The following PAX5 variants were observed in gnomAD, a reference collection of about 807,000 sequenced individuals.
PAX5 encodes paired box protein Pax-5.
PAX5 carries 9 observed loss-of-function variants against 43.7 expected under a neutral mutation model. The ratio of observed to expected loss-of-function variants is 0.21; its 90% CI spans 0.12 to 0.36. The LOEUF (loss-of-function observed/expected upper bound fraction) is 0.36, where lower values mean the gene tolerates loss of function less well. PAX5 is among the 10% of genes least tolerant of loss of function. PAX5 has a pLI of 1.00. For synonymous variants in PAX5, 228 were observed against 214.3 expected, an observed-to-expected ratio of 1.06 and a Z score of -0.56; for missense variants, 383 against 532.7, an observed-to-expected ratio of 0.72 and a Z score of 2.77.
intron 6 of PAX5, among the ~76,000 whole-genome samples, chr9:36,943,229 G>A (rs531441531): frequency 1.3e-5 from 2 of 152,280 alleles, no homozygotes; most frequent in South Asian, 4.1e-4. Flanking sequence ...TTGCCTTGAG[G>A]TGGGTGCAGG....
chr9:36,886,522 A>G (rs4880026), intron 7 of PAX5, among the ~76,000 whole-genome samples: 32,422 of 152,128 alleles, frequency 0.21, 4,248 homozygotes, highest in East Asian at 0.49. Context: ...TGTCTTAGGC[A>G]TGTCGCCAGG....
intron 5 of PAX5, among the ~76,000 whole-genome samples, chr9:36,975,064 C>T (rs1206903547): frequency 1.3e-5 from 2 of 152,216 alleles, no homozygotes; most frequent in Non-Finnish European, 2.9e-5. Context: ...AATTCACCAC[C>T]CTTTCTTCTG....
At chr9:36,908,614 C>A (rs908289189) in intron 7 of PAX5, among the ~76,000 whole-genome samples, 4 of 152,152 alleles carry the variant, frequency 2.6e-5, no homozygotes, top group African/African-American at 9.7e-5. Flanking sequence ...CAGGTGCTAT[C>A]CTTTGCACTT....
At chr9:36,988,960 C>T (rs1836699932) in intron 5 of PAX5, among the ~76,000 whole-genome samples, 1 of 152,186 alleles carries the variant, frequency 6.6e-6, no homozygotes, top group Admixed American at 6.5e-5. Flanking sequence ...GCTGTCAAAG[C>T]TCACACTGCT....
chr9:37,023,949 C>T (rs1301824298), intron 1 of PAX5, among the ~76,000 whole-genome samples: 1 of 152,172 alleles, frequency 6.6e-6, no homozygotes, highest in Admixed American at 6.5e-5. Context: ...TGTGTATACC[C>T]ACTGCCCTCT....
intron 2 of PAX5, among the ~76,000 whole-genome samples, chr9:37,016,289 G>A (rs777132552): frequency 6.6e-6 from 1 of 152,192 alleles, no homozygotes; most frequent in Admixed American, 6.5e-5. Flanking sequence ...TTATTTTTCT[G>A]TAAGAGAAAA....
chr9:36,944,571 C>A (rs759420989), intron 6 of PAX5, among the ~76,000 whole-genome samples: 1 of 152,178 alleles, frequency 6.6e-6, no homozygotes, highest in Non-Finnish European at 1.5e-5. Context: ...GGTTCACGAC[C>A]TCACAGAGTC....
intron 7 of PAX5, among the ~76,000 whole-genome samples, chr9:36,905,800 C>T (rs1320420264): frequency 1.3e-5 from 2 of 152,224 alleles, no homozygotes; most frequent in African/African-American, 4.8e-5. Flanking sequence ...GGGATATGGG[C>T]TCCAGAGGTG....
chr9:36,963,957 A>G (rs143967553), intron 6 of PAX5, among the ~76,000 whole-genome samples: 1 of 152,202 alleles, frequency 6.6e-6, no homozygotes, highest in Admixed American at 6.5e-5. Flanking sequence ...TGTTACCCCT[A>G]AAATTACATG....
intron 9 of PAX5, among the ~76,000 whole-genome samples, chr9:36,841,554 T>C (rs1893933): frequency 0.021 from 3,207 of 152,358 alleles, 57 homozygotes; most frequent in Non-Finnish European, 0.031. Context: ...CTTTCTGCAC[T>C]TCCCCCATCC....
chr9:36,887,091 C>T (rs925385142), intron 7 of PAX5, among the ~76,000 whole-genome samples: 3 of 152,170 alleles, frequency 2.0e-5, no homozygotes, highest in South Asian at 2.1e-4. Flanking sequence ...ACAGAGTAAG[C>T]GGTAGAACAG....
intron 3 of PAX5, among the ~76,000 whole-genome samples, 154 bp downstream of exon 3, chr9:37,014,843 C>T (rs931580995): frequency 1.3e-5 from 2 of 152,092 alleles, no homozygotes; most frequent in African/African-American, 2.4e-5. Context: ...TAACAGAGAC[C>T]GAGCAGGCCC....
intron 5 of PAX5, among the ~76,000 whole-genome samples, chr9:36,973,932 G>A (rs746845621): frequency 1.3e-4 from 20 of 152,160 alleles, no homozygotes; most frequent in Admixed American, 5.2e-4. Context: ...CGTAGGAGGC[G>A]GAGGTTGTGG....
chr9:36,931,063 AG>A, intron 6 of PAX5: 2 of 436,968 alleles, frequency 4.6e-6, no homozygotes, highest in East Asian at 1.3e-4. Flanking sequence ...ACCTGGGGCC[AG>A]GAGGCCTCCC....
At chr9:36,935,478 T>C (rs755129384) in intron 6 of PAX5, among the ~76,000 whole-genome samples, 1 of 152,202 alleles carries the variant, frequency 6.6e-6, no homozygotes, top group Non-Finnish European at 1.5e-5. Flanking sequence ...CCCCCTGTTC[T>C]GTTTACAGCC....
chr9:37,013,074 A>AC (rs1366126628), intron 3 of PAX5, among the ~76,000 whole-genome samples: 6 of 148,892 alleles, frequency 4.0e-5, no homozygotes, highest in Admixed American at 1.4e-4. Flanking sequence ...ACATAGGGAG[A>AC]CCCCCATCTC....
At chr9:37,023,339 T>G (rs1296248903) in intron 1 of PAX5, among the ~76,000 whole-genome samples, 1 of 152,042 alleles carries the variant, frequency 6.6e-6, no homozygotes, top group East Asian at 1.9e-4. Flanking sequence ...TTTTCTGGGG[T>G]GCCAGCTCTG....
At chr9:36,993,502 A>G (rs973171992) in intron 5 of PAX5, among the ~76,000 whole-genome samples, 1 of 152,152 alleles carries the variant, frequency 6.6e-6, no homozygotes, top group African/African-American at 2.4e-5. Context: ...AACCTCAGCA[A>G]TTCATTGATC....
chr9:37,029,553 C>A (rs1358183125), intron 1 of PAX5, among the ~76,000 whole-genome samples: 4 of 152,204 alleles, frequency 2.6e-5, no homozygotes, highest in African/African-American at 9.6e-5. Flanking sequence ...GCAGGAAGAT[C>A]GCAACAGCAG....
Sources: gnomAD v4.1 joint callset for allele counts (sites outside exome capture counted in the v4.1 genomes callset) on GRCh38, gnomAD v4.1.1 for gene constraint, MANE v1.5 for transcripts, NCBI Gene and HGNC (gene_info 2026-07-23, HGNC 2026-07-21) for gene names.